Variants in CREB3L2 observed in about 807,000 individuals in gnomAD.
CREB3L2 encodes cAMP responsive element binding protein 3 like 2.
In CREB3L2, 23 loss-of-function variants were observed where a neutral mutation model predicts 57.2. The ratio of observed to expected loss-of-function variants is 0.40; its 90% CI spans 0.29 to 0.57. The LOEUF is 0.57. Ranked by LOEUF, CREB3L2 falls within the 20% of genes least tolerant of loss-of-function variation. CREB3L2 has a pLI of 0.42. For synonymous variants in CREB3L2, 268 were observed against 265.1 expected (o/e 1.01, Z -0.11); for missense variants, 628 against 634.7 (o/e 0.99, Z 0.11).
chr7:137,998,278 A>T (rs184729180), intron 1 of CREB3L2, among the ~76,000 whole-genome samples: 39 of 152,354 alleles, frequency 2.6e-4, no homozygotes, highest in African/African-American at 7.0e-4. Context: ...GAACATTCTA[A>T]ATTGTTTAAA....
In CREB3L2 at chr7:137,935,484, C is replaced by G. The variant is rs992577616; in HGVS notation, c.103-7118G>C. Among the ~76,000 whole-genome samples, 8 of 152,264 alleles carry G rather than the reference C, an allele frequency of 5.3e-5. No individual in the cohort carries two copies. The South Asian group carries it at 1.0e-3, about 20-fold the overall frequency. The stretch of plus-strand genomic sequence containing the variant: ...TCTCATTTCCCTAAACAAGTAAAGC[C>G]CTTTAAGTATCTCTTAATTTGACAC... On this transcript the variant is annotated intron_variant, in intron 1 of 11. Coordinates refer to ENST00000330387, the MANE Select transcript of CREB3L2 (RefSeq NM_194071.4).
chr7:137,886,659 C>T (rs376428415), intron 8 of CREB3L2, among the ~76,000 whole-genome samples: 86 of 151,072 alleles, frequency 5.7e-4, no homozygotes, highest in African/African-American at 2.0e-3. Context: ...AGTCAAGGGT[C>T]TTTAAAACCA....
chr7:137,902,614 A>G (rs1166268497), intron 7 of CREB3L2, among the ~76,000 whole-genome samples: 1 of 152,208 alleles, frequency 6.6e-6, no homozygotes, highest in African/African-American at 2.4e-5. Context: ...ACAGATACCA[A>G]AATCTCCAGA....
At chr7:137,989,887 G>T (rs1399867968) in intron 1 of CREB3L2, among the ~76,000 whole-genome samples, 1 of 152,078 alleles carries the variant, frequency 6.6e-6, no homozygotes, top group East Asian at 1.9e-4. Flanking sequence ...CACATCTCCA[G>T]TCTAACCTCC....
chr7:137,878,384 CT>C lies in CREB3L2; in HGVS notation c.*2091del. On this transcript the variant is annotated 3_prime_UTR_variant, in exon 12 of 12. Transcript: ENST00000330387. Reference sequence around the variant, plus strand: ...CAAATGCTACTTGAGTAAATCTTATCTTTTTGCCTTCTTTGGGCCCTATAGG... The same window carrying C: ...CAAATGCTACTTGAGTAAATCTTATCTTTTGCCTTCTTTGGGCCCTATAGG... 4.3e-6 allele frequency: 1 copy of C among 232,990 alleles called. No individual in the cohort carries two copies. The highest frequency in any genetic ancestry group is 8.5e-6 in the Non-Finnish European group (1 of 117,888). 14.4% of individuals were successfully genotyped at this position (232,990 alleles called of 1,614,324 possible).
At position 137,943,642 on chromosome 7, in the gene CREB3L2, A is replaced by C. The variant is rs188917414; in HGVS notation, c.103-15276T>G. On this transcript the variant is annotated intron_variant, in intron 1 of 11. Transcript: ENST00000330387. ...GACCATTTCTAGGAAGCCTAGAAAA[A>C]AATTCAGGGCCATAGTTTCATGTTT... 2.6e-5 allele frequency among the ~76,000 whole-genome samples: 4 copies of C among 152,310 alleles called. No homozygotes were observed. The East Asian group carries it at 7.7e-4, about 29-fold the overall frequency.
At chr7:137,990,940 G>A (rs2117327693) in intron 1 of CREB3L2, among the ~76,000 whole-genome samples, 1 of 152,236 alleles carries the variant, frequency 6.6e-6, no homozygotes, top group East Asian at 1.9e-4. Flanking sequence ...GGAGTCTGAA[G>A]GGACTTTTTT....
intron 1 of CREB3L2, among the ~76,000 whole-genome samples, chr7:137,970,173 T>C (rs1022372335): frequency 3.3e-5 from 5 of 152,234 alleles, no homozygotes; most frequent in African/African-American, 4.8e-5. Flanking sequence ...CAAAACAGTA[T>C]TGAATACAAA....
At chr7:137,924,604 C>T (rs1198851276) in intron 2 of CREB3L2, among the ~76,000 whole-genome samples, 2 of 152,186 alleles carry the variant, frequency 1.3e-5, no homozygotes, top group Non-Finnish European at 2.9e-5. Flanking sequence ...CTGCGTTTCT[C>T]TCTTAACCTC....
intron 1 of CREB3L2, among the ~76,000 whole-genome samples, chr7:137,996,155 C>G (rs1413032270): frequency 1.3e-5 from 2 of 152,222 alleles, no homozygotes; most frequent in Admixed American, 6.5e-5. Flanking sequence ...TGGAGATTCA[C>G]CCTTTTGACC....
intron 8 of CREB3L2, among the ~76,000 whole-genome samples, chr7:137,900,632 TAA>T (rs77569914): frequency 5.1e-5 from 7 of 138,176 alleles, no homozygotes; most frequent in Non-Finnish European, 3.2e-5. Flanking sequence ...CCATCTCTAC[TAA>T]AAAAAAAAAA....
chr7:137,934,896 G>A (rs187879914), intron 1 of CREB3L2, among the ~76,000 whole-genome samples: 1 of 152,238 alleles, frequency 6.6e-6, no homozygotes, highest in Admixed American at 6.5e-5. Flanking sequence ...AATACACATG[G>A]CAACTTCCCT....
intron 8 of CREB3L2, among the ~76,000 whole-genome samples, chr7:137,899,883 A>C (rs998234186): frequency 6.6e-6 from 1 of 152,202 alleles, no homozygotes; most frequent in African/African-American, 2.4e-5. Context: ...TTCATTTGTT[A>C]TTATCAAATA....
intron 8 of CREB3L2, among the ~76,000 whole-genome samples, chr7:137,892,488 T>C (rs1049768557): frequency 6.6e-6 from 1 of 151,840 alleles, no homozygotes; most frequent in Non-Finnish European, 1.5e-5. Context: ...CTGTCTCTAC[T>C]AAAATATAAA....
At position 137,879,142 on chromosome 7, in the gene CREB3L2, T is replaced by C. The variant is rs775815959; in HGVS notation, c.*1334A>G. ...TTATATGAAAGAGGAAAGATTTTTTTAAACTACAAAAGTTACTTTTAACCA... is the reference window on the plus strand; with the variant it reads ...TTATATGAAAGAGGAAAGATTTTTTCAAACTACAAAAGTTACTTTTAACCA... On this transcript the variant is annotated 3_prime_UTR_variant, in exon 12 of 12. Coordinates refer to ENST00000330387, the MANE Select transcript of CREB3L2 (RefSeq NM_194071.4). 2.5e-4 allele frequency: 126 copies of C among 505,612 alleles called. No individual in the cohort carries two copies. The highest frequency in any genetic ancestry group is 4.0e-4 in the Non-Finnish European group (107 of 268,010). 31.3% of individuals were successfully genotyped at this position (505,612 alleles called of 1,614,324 possible). A position where few individuals can be genotyped will look rare whatever the true frequency, so the allele number is the denominator to read the frequency against.
intron 1 of CREB3L2, among the ~76,000 whole-genome samples, chr7:137,936,668 A>G (rs1224414924): frequency 6.6e-6 from 1 of 152,186 alleles, no homozygotes; most frequent in Non-Finnish European, 1.5e-5. Flanking sequence ...ACACAAACAC[A>G]GCCCAGCATT....
chr7:137,944,507 G>C (rs1182118307), intron 1 of CREB3L2, among the ~76,000 whole-genome samples: 1 of 152,196 alleles, frequency 6.6e-6, no homozygotes, highest in Admixed American at 6.5e-5. Context: ...CTGAATCAAT[G>C]AACATTAGAC....
At chr7:137,952,440 C>T (rs953616720) in intron 1 of CREB3L2, among the ~76,000 whole-genome samples, 1 of 152,216 alleles carries the variant, frequency 6.6e-6, no homozygotes, top group Admixed American at 6.5e-5. Context: ...ACTCAAATGT[C>T]ACCTTAGAGA....
In CREB3L2 at chr7:138,001,671, A is replaced by T. The variant is rs1802079905; in HGVS notation, c.35T>A (p.Leu12Gln). 1 of 1,612,758 alleles carries T rather than the reference A, an allele frequency of 6.2e-7. No individual in the cohort carries two copies. The change falls in exon 1 of 12, where the codon CTG (leucine) becomes CAG (glutamine). Residue 12 changes from leucine (L) to glutamine (Q), a missense_variant. Transcript: ENST00000330387. The surrounding 1 kb of genome is among the most constrained non-coding windows in gnomAD (Gnocchi z 4.2). ...EVLESGEQGV[L>Q]QWDRKLSELS... is the part of the protein sequence containing the mutation. ...CTCGCTCAGCTTGCGGTCCCACTGC[A>T]GCACGCCCTGCTCCCCGCTCTCCAG...
Sources: allele counts gnomAD v4.1 joint callset (sites outside exome capture counted in the v4.1 genomes callset), GRCh38; gene constraint gnomAD v4.1.1; non-coding constraint Gnocchi (gnomAD v3.1); transcripts MANE v1.5; gene names NCBI Gene and HGNC (gene_info 2026-07-23, HGNC 2026-07-21).